Variants in ABL1 observed in about 807,000 individuals in gnomAD.
ABL1 encodes the protein tyrosine-protein kinase ABL1.
A neutral mutation model predicts 94.7 loss-of-function variants in ABL1; 11 were observed. The ratio of observed to expected loss-of-function variants is 0.12; its 90% CI spans 0.07 to 0.19. The LOEUF (loss-of-function observed/expected upper bound fraction) is 0.19, where lower values mean the gene tolerates loss of function less well. Ranked by LOEUF, ABL1 falls within the 10% of genes least tolerant of loss-of-function variation. ABL1 has a pLI of 1.00. For synonymous variants in ABL1, 656 were observed against 622.4 expected (o/e 1.05, Z -0.80); for missense variants, 1,082 against 1,489.4 (o/e 0.73, Z 4.50).
chr9:130,804,361 C>T (rs1830097359), intron 1 of ABL1, among the ~76,000 whole-genome samples: 2 of 152,026 alleles, frequency 1.3e-5, no homozygotes, highest in Non-Finnish European at 2.9e-5. Flanking sequence ...CCGAGGTGGG[C>T]AGATCACCTG....
At chr9:130,860,421 T>C (rs897390107) in intron 3 of ABL1, among the ~76,000 whole-genome samples, 5 of 152,198 alleles carry the variant, frequency 3.3e-5, no homozygotes, top group African/African-American at 1.2e-4. Flanking sequence ...CTGAAGTCTC[T>C]AACACAGTAG....
chr9:130,779,626 C>T (rs765940513), intron 1 of ABL1, among the ~76,000 whole-genome samples: 1 of 152,056 alleles, frequency 6.6e-6, no homozygotes, highest in Non-Finnish European at 1.5e-5. Context: ...ACTGGATTGG[C>T]AATGGTATGT....
chr9:130,731,226 T>G (rs529970019), intron 1 of ABL1, among the ~76,000 whole-genome samples: 1 of 151,624 alleles, frequency 6.6e-6, no homozygotes, highest in Non-Finnish European at 1.5e-5. Flanking sequence ...AGGCTGGTTT[T>G]GAACTCCTAA....
intron 1 of ABL1, among the ~76,000 whole-genome samples, chr9:130,796,696 T>G (rs1829977305): frequency 6.6e-6 from 1 of 151,906 alleles, no homozygotes; most frequent in African/African-American, 2.4e-5. Flanking sequence ...CTGCTAACTT[T>G]ATGGATGTGG....
At chr9:130,881,788 G>T (rs941374937) in intron 10 of ABL1, among the ~76,000 whole-genome samples, 1 of 151,600 alleles carries the variant, frequency 6.6e-6, no homozygotes, top group Non-Finnish European at 1.5e-5. Flanking sequence ...GAAGGGACTG[G>T]ACAAAGCCCT....
At chr9:130,861,139 G>A (rs1003202146) in intron 3 of ABL1, among the ~76,000 whole-genome samples, 1 of 152,156 alleles carries the variant, frequency 6.6e-6, no homozygotes, top group Admixed American at 6.5e-5. Context: ...GCCATTCAGC[G>A]GTCCTGTCTT....
chr9:130,782,673 T>C (rs536503642), intron 1 of ABL1, among the ~76,000 whole-genome samples: 2 of 152,298 alleles, frequency 1.3e-5, no homozygotes, highest in South Asian at 4.1e-4. Flanking sequence ...CTGAAGGTCT[T>C]AGCATGCCTG....
intron 1 of ABL1, among the ~76,000 whole-genome samples, chr9:130,738,691 G>A (rs548300010): frequency 2.0e-5 from 3 of 152,298 alleles, no homozygotes; most frequent in African/African-American, 7.2e-5. Context: ...TTACCTTGCT[G>A]ATTGATGGAC....
At chr9:130,734,023 AG>A (rs900329416) in intron 1 of ABL1, among the ~76,000 whole-genome samples, 1 of 151,904 alleles carries the variant, frequency 6.6e-6, no homozygotes, top group Non-Finnish European at 1.5e-5. Context: ...TTAGTTTTAG[AG>A]CTGTGGTTGA....
intron 7 of ABL1, among the ~76,000 whole-genome samples, chr9:130,877,274 T>G (rs1362480664): frequency 6.7e-6 from 1 of 148,454 alleles, no homozygotes; most frequent in Non-Finnish European, 1.5e-5. Flanking sequence ...CAGGCCTGAA[T>G]CACCCATTTC....
intron 6 of ABL1, among the ~76,000 whole-genome samples, chr9:130,874,379 C>T (rs7851964): frequency 0.083 from 12,623 of 152,152 alleles, 1,242 homozygotes; most frequent in African/African-American, 0.23. Flanking sequence ...TTATTTTGTC[C>T]CATCAAGTCT....
At chr9:130,716,528 A>G (rs1464559533) in intron 1 of ABL1, among the ~76,000 whole-genome samples, 2 of 152,192 alleles carry the variant, frequency 1.3e-5, no homozygotes, top group Non-Finnish European at 2.9e-5. Flanking sequence ...TCTGTACAGT[A>G]AAGTATAATG....
At position 130,880,599 on chromosome 9, in the gene ABL1, CT is replaced by C. The variant is rs1274828936; in HGVS notation, c.1614del (p.Ala539GlnfsTer46). 1 of 1,613,850 alleles carries C rather than the reference CT, an allele frequency of 6.2e-7. No individual in the cohort carries two copies. Among genetic ancestry groups the C allele is most frequent in the Non-Finnish European group, 8.5e-7 (1 of 1,179,884 alleles). The stretch of plus-strand genomic sequence containing the variant: ...ACCAAGACGAGGACCTCCAGGAGAG[CT>C]GCAGAGCACAGAGACACCACTGACG... ...LPTKTRTSRRAAEHRDTTDVP... is the reference protein window; with the variant it reads ...LPTKTRTSRRXAEHRDTTDVP... On this transcript the variant is annotated frameshift_variant, in exon 10 of 11. Transcript: ENST00000318560. LOFTEE classifies it high-confidence loss of function. This position sits in a 1 kb window ranked among gnomAD's most constrained non-coding sequence, Gnocchi z 4.4.
intron 1 of ABL1, among the ~76,000 whole-genome samples, chr9:130,790,783 C>G (rs1829898903): frequency 6.6e-6 from 1 of 151,992 alleles, no homozygotes; most frequent in African/African-American, 2.4e-5. Flanking sequence ...CAGCATTCCA[C>G]TTTGATAATA....
chr9:130,739,997 T>G (rs1002355940), intron 1 of ABL1, among the ~76,000 whole-genome samples: 3 of 152,244 alleles, frequency 2.0e-5, no homozygotes, highest in Non-Finnish European at 2.9e-5. Flanking sequence ...CAAAGTTTTT[T>G]GTTTAAATTG....
In ABL1 at chr9:130,859,677, C is replaced by CTTTTTTTTT. The variant is rs869234280; in HGVS notation, c.550-3065_550-3057dup. Among the ~76,000 whole-genome samples the CTTTTTTTTT allele has an allele frequency of 2.7e-3, 214 of 78,444 alleles. 36 individuals carry two copies. Among genetic ancestry groups the CTTTTTTTTT allele is most frequent in the African/African-American group, 0.012 (173 of 14,872 alleles). 51.5% of individuals were successfully genotyped at this position (78,444 alleles called of 152,430 possible). ...AAACGCTGTTTCTTTTCTTTCTTTC[C>CTTTTTTTTT]TTTTTTTTTTTTTTTTTTTTTTTTT... On this transcript the variant is annotated intron_variant, in intron 3 of 10. Coordinates refer to ENST00000318560, the MANE Select transcript of ABL1 (RefSeq NM_005157.6).
chr9:130,829,585 A>G (rs1482513203), intron 1 of ABL1, among the ~76,000 whole-genome samples: 4 of 149,944 alleles, frequency 2.7e-5, no homozygotes, highest in African/African-American at 7.4e-5. Context: ...AAAAAAAAAA[A>G]GTACAACTGA....
At chr9:130,733,559 G>A (rs1052487356) in intron 1 of ABL1, among the ~76,000 whole-genome samples, 4 of 149,324 alleles carry the variant, frequency 2.7e-5, no homozygotes, top group African/African-American at 7.5e-5. Context: ...GCACCACTGC[G>A]CCTGGCTGTA....
intron 4 of ABL1, among the ~76,000 whole-genome samples, chr9:130,865,836 G>A (rs1831147289): frequency 6.6e-6 from 1 of 150,618 alleles, no homozygotes; most frequent in African/African-American, 2.5e-5. Context: ...TGCCCTTGCT[G>A]TGTGCCTGGC....
Sources: allele counts gnomAD v4.1 joint callset (sites outside exome capture counted in the v4.1 genomes callset), GRCh38; gene constraint gnomAD v4.1.1; non-coding constraint Gnocchi (gnomAD v3.1); transcripts MANE v1.5; gene names NCBI Gene and HGNC (gene_info 2026-07-23, HGNC 2026-07-21).